Variants in MAD1L1 observed in about 807,000 individuals in gnomAD.
MAD1L1 encodes the protein mitotic spindle assembly checkpoint protein MAD1.
Under a neutral mutation model 96.9 loss-of-function variants are expected in MAD1L1, and 95 were observed. The ratio of observed to expected loss-of-function variants is 0.98; its 90% CI spans 0.83 to 1.16. The LOEUF (loss-of-function observed/expected upper bound fraction) is 1.16. MAD1L1 is among the 50% of genes most tolerant of loss of function. The pLI, the probability that MAD1L1 is intolerant of heterozygous loss-of-function variation, is 0.00. For synonymous variants in MAD1L1, 473 were observed against 396.6 expected (o/e 1.19, Z -2.29); for missense variants, 1,007 against 954.4 (o/e 1.06, Z -0.73).
chr7:1,888,513 T>C (rs1786315966), intron 18 of MAD1L1, among the ~76,000 whole-genome samples: 1 of 148,280 alleles, frequency 6.7e-6, no homozygotes, highest in African/African-American at 2.5e-5. Flanking sequence ...CCTGTTCGTG[T>C]GTGTGCATGC....
At chr7:1,976,310 G>T (rs1253052261) in intron 15 of MAD1L1, among the ~76,000 whole-genome samples, 1 of 152,222 alleles carries the variant, frequency 6.6e-6, no homozygotes, top group African/African-American at 2.4e-5. Context: ...TCTGGAGTTT[G>T]TTCCTTCCGA....
intron 11 of MAD1L1, among the ~76,000 whole-genome samples, chr7:2,086,624 G>A (rs537225046): frequency 1.3e-5 from 2 of 152,146 alleles, no homozygotes; most frequent in Non-Finnish European, 2.9e-5. Flanking sequence ...GCACGCTCTC[G>A]GCTCACTGCA....
rs115981376 is a variant in MAD1L1, at chr7:2,158,858, A to C, written c.987-9620T>G. Among the ~76,000 whole-genome samples the C allele has an allele frequency of 3.6e-3, 554 of 152,272 alleles. 2 individuals are homozygous for C. The highest frequency in any genetic ancestry group is 0.013 in the African/African-American group (528 of 41,536). On this transcript the variant is annotated intron_variant, in intron 10 of 18. Transcript: ENST00000265854. ...AGGTTCTGCAGGAGCCACCTGCCTG[A>C]GGCTGCACCTGCTGCACCTGCTGCA...
intron 18 of MAD1L1, among the ~76,000 whole-genome samples, chr7:1,862,706 A>G (rs886900690): frequency 2.0e-5 from 3 of 152,282 alleles, no homozygotes; most frequent in South Asian, 2.1e-4. Flanking sequence ...CTTTAACCCA[A>G]CTTTCCTTAT....
At chr7:2,039,350 C>T (rs1783579400) in intron 12 of MAD1L1, among the ~76,000 whole-genome samples, 1 of 152,178 alleles carries the variant, frequency 6.6e-6, no homozygotes, top group Admixed American at 6.5e-5. Flanking sequence ...TTTGTCCGAA[C>T]CTCGGTTTTA....
intron 16 of MAD1L1, 146 bp downstream of exon 16, chr7:1,957,483 A>C: frequency 4.8e-5 from 36 of 755,114 alleles, no homozygotes; most frequent in East Asian, 8.1e-5. Flanking sequence ...CTGCCAGGCA[A>C]GGGGGTGCAC....
In MAD1L1 at chr7:1,816,091, G is replaced by A. The variant is rs1781782163; in HGVS notation, c.2136C>T (p.Phe712=). 5 of 1,611,660 alleles carry A rather than the reference G, an allele frequency of 3.1e-6. No individual in the cohort carries two copies. Among genetic ancestry groups the A allele is most frequent in the Non-Finnish European group, 4.2e-6 (5 of 1,179,276 alleles). ...AFLSSLTLEL[F]SRQTVA Reference sequence around the variant, plus strand: ...CAGGCTACGCCACGGTCTGGCGGCTGAAGAGCTCGAGGGTGAGCGAGCTGA... The same window carrying A: ...CAGGCTACGCCACGGTCTGGCGGCTAAAGAGCTCGAGGGTGAGCGAGCTGA... The change falls in exon 19 of 19, where the codon TTC becomes TTT. Residue 712 remains phenylalanine (F), a synonymous_variant. Coordinates refer to ENST00000265854, the MANE Select transcript of MAD1L1 (RefSeq NM_001013836.2).
At chr7:2,212,105 G>C (rs2114985533) in intron 10 of MAD1L1, among the ~76,000 whole-genome samples, 1 of 152,344 alleles carries the variant, frequency 6.6e-6, no homozygotes, top group African/African-American at 2.4e-5. Context: ...CACCTGCAGG[G>C]GCACCGCGAC....
intron 11 of MAD1L1, among the ~76,000 whole-genome samples, chr7:2,095,487 G>A (rs888092119): frequency 1.2e-4 from 18 of 152,242 alleles, no homozygotes; most frequent in African/African-American, 1.7e-4. Flanking sequence ...GGGTTAGCGC[G>A]GCTCCCAGGC....
rs1222162387 is a variant in MAD1L1 at position 2,038,402 on chromosome 7, G to A, written c.1219-23760C>T. Among the ~76,000 whole-genome samples, 23 of 151,334 alleles carry A rather than the reference G, an allele frequency of 1.5e-4. 1 individual carries two copies. The highest frequency in any genetic ancestry group is 3.4e-3 in the Middle Eastern group (1 of 292). On this transcript the variant is annotated intron_variant, in intron 12 of 18. Coordinates refer to ENST00000265854, the MANE Select transcript of MAD1L1 (RefSeq NM_001013836.2). ...AAACAGCCTTCTGCTGGAAGATGCC[G>A]TCTAGGGCTTTTACAGTTACAGAGG...
intron 18 of MAD1L1, among the ~76,000 whole-genome samples, chr7:1,888,319 T>C (rs939175437): frequency 1.4e-5 from 2 of 139,562 alleles, no homozygotes; most frequent in Non-Finnish European, 3.2e-5. Context: ...TGCCTATGTG[T>C]GTGTGTGCAT....
chr7:2,173,900 G>T (rs1431110876), intron 10 of MAD1L1, among the ~76,000 whole-genome samples: 1 of 152,214 alleles, frequency 6.6e-6, no homozygotes, highest in Non-Finnish European at 1.5e-5. Flanking sequence ...GTGGGCTCAA[G>T]CGATCCTCCT....
intron 18 of MAD1L1, among the ~76,000 whole-genome samples, chr7:1,873,562 C>T (rs1462829353): frequency 6.6e-6 from 1 of 151,830 alleles, no homozygotes; most frequent in African/African-American, 2.4e-5. Flanking sequence ...CGGATGGGGG[C>T]CAAGGGGCTC....
chr7:1,973,094 G>A (rs1768278642), intron 15 of MAD1L1, among the ~76,000 whole-genome samples: 1 of 152,202 alleles, frequency 6.6e-6, no homozygotes, highest in Admixed American at 6.5e-5. Context: ...GACTGTCCCA[G>A]GTGAATGCAG....
At chr7:1,964,074 C>A (rs1473240991) in intron 15 of MAD1L1, among the ~76,000 whole-genome samples, 1 of 152,148 alleles carries the variant, frequency 6.6e-6, no homozygotes, top group Non-Finnish European at 1.5e-5. Context: ...ATCTGAGAGG[C>A]CCCTGATCAC....
chr7:1,928,119 G>A (rs1212464797), intron 17 of MAD1L1, among the ~76,000 whole-genome samples: 1 of 151,726 alleles, frequency 6.6e-6, no homozygotes, highest in African/African-American at 2.4e-5. Flanking sequence ...ACCTGCTGCT[G>A]CTCCCCACGA....
chr7:1,893,005 T>C (rs1473911987), intron 18 of MAD1L1, among the ~76,000 whole-genome samples: 2 of 152,166 alleles, frequency 1.3e-5, no homozygotes, highest in Non-Finnish European at 2.9e-5. Flanking sequence ...TGAGAACCAC[T>C]GGGAGGAGTG....
At chr7:1,979,542 C>G (rs1264553265) in intron 15 of MAD1L1, among the ~76,000 whole-genome samples, 1 of 152,246 alleles carries the variant, frequency 6.6e-6, no homozygotes, top group African/African-American at 2.4e-5. Context: ...GGAGCTCCAC[C>G]TGCATCTGCC....
In MAD1L1 at chr7:1,905,331, G is replaced by A. The variant is rs1383465606; in HGVS notation, c.1808-6941C>T. 5.3e-5 allele frequency among the ~76,000 whole-genome samples: 5 copies of A among 94,722 alleles called. 1 individual carries two copies. Among genetic ancestry groups the A allele is most frequent in the African/African-American group, 1.8e-4 (5 of 28,538 alleles). The allele number at this position is 94,722 out of a possible 152,430, so 62.1% of individuals were successfully genotyped here. Reference sequence around the variant, plus strand: ...GGCAGCAAGGATGCAGTGGCCTATGGAAGACGTTCTTGTGGAACTCATGAT... The same window carrying A: ...GGCAGCAAGGATGCAGTGGCCTATGAAAGACGTTCTTGTGGAACTCATGAT... On this transcript the variant is annotated intron_variant, in intron 17 of 18. Coordinates refer to ENST00000265854, the MANE Select transcript of MAD1L1 (RefSeq NM_001013836.2).
Sources: gnomAD v4.1 joint callset for allele counts (sites outside exome capture counted in the v4.1 genomes callset) on GRCh38, gnomAD v4.1.1 for gene constraint, MANE v1.5 for transcripts, NCBI Gene and HGNC (gene_info 2026-07-23, HGNC 2026-07-21) for gene names.